ZNF25: variants seen among roughly 807,000 people sequenced by gnomAD.
The protein encoded by ZNF25 is zinc finger protein 25, also known as zinc finger protein 25 (KOX 19).
Under a neutral mutation model 30.9 loss-of-function variants are expected in ZNF25, and 21 were observed. That is an observed-to-expected ratio of 0.68 (90% CI 0.48 to 0.98). ZNF25 has a LOEUF of 0.98. ZNF25 is among the 50% of genes least tolerant of loss of function. The pLI, the probability that ZNF25 is intolerant of heterozygous loss-of-function variation, is 0.00. For missense variants in ZNF25, 501 were observed against 529.9 expected, an observed-to-expected ratio of 0.95 and a Z score of 0.54; for synonymous variants, 169 against 181.3, an observed-to-expected ratio of 0.93 and a Z score of 0.55.
chr10:37,952,014 G>T lies in ZNF25; in HGVS notation c.*113C>A. The T allele has an allele frequency of 2.1e-6, 2 of 947,576 alleles. No individual in the cohort carries two copies. Among genetic ancestry groups the T allele is most frequent in the Non-Finnish European group, 3.1e-6 (2 of 645,860 alleles). 58.7% of individuals were successfully genotyped at this position (947,576 alleles called of 1,614,324 possible). A position where few individuals can be genotyped will look rare whatever the true frequency, so the allele number is the denominator to read the frequency against. ...TTTGCTGATACACAGAGAGAGCAAAGATTGTAGCTGAAAATTTCCCTCTAT... is the reference window on the plus strand; with the variant it reads ...TTTGCTGATACACAGAGAGAGCAAATATTGTAGCTGAAAATTTCCCTCTAT... On this transcript the variant is annotated 3_prime_UTR_variant, in exon 6 of 6. Coordinates refer to ENST00000302609, the MANE Select transcript of ZNF25 (RefSeq NM_145011.4).
chr10:37,958,105 T>C (rs2062641738), intron 2 of ZNF25, among the ~76,000 whole-genome samples: 1 of 152,192 alleles, frequency 6.6e-6, no homozygotes, highest in Non-Finnish European at 1.5e-5. Flanking sequence ...TGTCACTAAG[T>C]GACACATGAC....
chr10:37,961,258 T>C (rs1055176163), intron 2 of ZNF25, among the ~76,000 whole-genome samples: 9 of 152,194 alleles, frequency 5.9e-5, no homozygotes, highest in African/African-American at 2.2e-4. Context: ...TTCGTTGAAA[T>C]ACATCTGTAT....
At position 37,949,931 on chromosome 10, in the gene ZNF25, T is replaced by G. The variant is rs1272201504; in HGVS notation, c.*2196A>C. ...TCCATCAAGAAATTTCTTGTTTTGA[T>G]GTTATGACAATTTAGCAAGTAAAAA... On this transcript the variant is annotated 3_prime_UTR_variant, in exon 6 of 6. Transcript: ENST00000302609. 1 of 152,632 alleles carries G rather than the reference T, an allele frequency of 6.6e-6. No homozygotes were observed. The highest frequency in any genetic ancestry group is 1.5e-5 in the Non-Finnish European group (1 of 68,044). 9.5% of individuals were successfully genotyped at this position (152,632 alleles called of 1,614,324 possible). A position where few individuals can be genotyped will look rare whatever the true frequency, so the allele number is the denominator to read the frequency against.
At chr10:37,964,341 G>A (rs2063062955) in intron 2 of ZNF25, among the ~76,000 whole-genome samples, 1 of 152,294 alleles carries the variant, frequency 6.6e-6, no homozygotes, top group East Asian at 1.9e-4. Context: ...AGAATTTGGA[G>A]GGCTCAGAAG....
chr10:37,976,149 G>A (rs928019465), intron 1 of ZNF25, among the ~76,000 whole-genome samples: 8 of 152,154 alleles, frequency 5.3e-5, no homozygotes, highest in Admixed American at 3.3e-4. Context: ...TGCCAGATGC[G>A]CGTCGAGCCG....
intron 2 of ZNF25, among the ~76,000 whole-genome samples, chr10:37,966,292 T>G (rs1440862090): frequency 6.6e-6 from 1 of 151,910 alleles, no homozygotes; most frequent in East Asian, 1.9e-4. Flanking sequence ...CATGCACCTA[T>G]AATCCCAGCT....
chr10:37,953,613 C>T, intron 5 of ZNF25, 82 bp downstream of exon 5: 3 of 1,298,432 alleles, frequency 2.3e-6, no homozygotes, highest in Admixed American at 1.7e-5. Context: ...TTAGTATTAA[C>T]TAGTGCCCTC....
chr10:37,973,894 T>C (rs936987296), intron 1 of ZNF25, among the ~76,000 whole-genome samples: 1 of 152,090 alleles, frequency 6.6e-6, no homozygotes, highest in Non-Finnish European at 1.5e-5. Flanking sequence ...TATAAAGCTA[T>C]AGTAAACAAA....
Position 37,953,619 on chromosome 10 carries a change from C to T in ZNF25, c.302+76G>A, listed in dbSNP as rs543232200. ...TTCTCACGTTTAGTATTAACTAGTG[C>T]CCTCCCATTTCTAGTAACTCCTTTA... is the stretch of plus-strand genomic sequence containing the variant. On this transcript the variant is annotated intron_variant, in intron 5 of 5. Coordinates refer to ENST00000302609, the MANE Select transcript of ZNF25 (RefSeq NM_145011.4). 2.4e-3 allele frequency: 3,166 copies of T among 1,336,360 alleles called. 9 individuals are homozygous for T. Among genetic ancestry groups the T allele is most frequent in the Non-Finnish European group, 3.1e-3 (2,853 of 931,974 alleles). The allele number at this position is 1,336,360 out of a possible 1,614,324, so 82.8% of individuals were successfully genotyped here.
chr10:37,964,329 G>A (rs2063062207), intron 2 of ZNF25, among the ~76,000 whole-genome samples: 2 of 152,168 alleles, frequency 1.3e-5, no homozygotes, highest in South Asian at 4.1e-4. Flanking sequence ...GCAGAGGTTG[G>A]AAGAATTTGG....
In ZNF25 at chr10:37,957,355, T is replaced by C. The variant is rs72639536; in HGVS notation, c.142+65A>G. The C allele has an allele frequency of 2.0e-3, 3,151 of 1,555,112 alleles. 61 individuals carry two copies. In the East Asian group the frequency reaches 0.033, roughly 16 times the overall value. ...CATTCAACCCTATAGGGACATTTTATACTCCAGTAACTGAGAAGATAGATG... is the reference window on the plus strand; with the variant it reads ...CATTCAACCCTATAGGGACATTTTACACTCCAGTAACTGAGAAGATAGATG... On this transcript the variant is annotated intron_variant, in intron 3 of 5. Transcript: ENST00000302609.
Position 37,953,127 on chromosome 10 carries a change from C to T in ZNF25, c.371G>A (p.Gly124Glu). The part of the protein sequence containing the change: ...TEKACECKEC[G>E]KFFCQKSALI... ...GGCAGACTTCTGGCAGAAGAACTTC[C>T]CACATTCCTTACATTCACAGGCTTT... The change falls in exon 6 of 6, where the codon GGG becomes GAG. Residue 124 changes from glycine (G) to glutamate (E), a missense_variant. By Grantham distance (98) the Gly-to-Glu change is moderately conservative. Transcript: ENST00000302609. 1 of 1,611,974 alleles carries T rather than the reference C, an allele frequency of 6.2e-7. No individual in the cohort carries two copies. Among genetic ancestry groups the T allele is most frequent in the Non-Finnish European group, 8.5e-7 (1 of 1,179,510 alleles).
Position 37,950,786 on chromosome 10 carries a change from GC to G in ZNF25, c.*1340del, listed in dbSNP as rs1443695687. ...TAGCATGCCCCATGCTGGAATCGGGGCCCAGGCAGCAGGAGCCCAGAGTCCA... is the reference window on the plus strand; with the variant it reads ...TAGCATGCCCCATGCTGGAATCGGGGCCAGGCAGCAGGAGCCCAGAGTCCA... On this transcript the variant is annotated 3_prime_UTR_variant, in exon 6 of 6. Transcript: ENST00000302609. 6.6e-6 allele frequency: 1 copy of G among 152,094 alleles called. No individual in the cohort carries two copies. Among genetic ancestry groups the G allele is most frequent in the Non-Finnish European group, 1.5e-5 (1 of 68,042 alleles). 9.4% of individuals were successfully genotyped at this position (152,094 alleles called of 1,614,324 possible).
At chr10:37,962,157 C>T (rs2504130) in intron 2 of ZNF25, among the ~76,000 whole-genome samples, 79,459 of 150,854 alleles carry the variant, frequency 0.53, 21,217 homozygotes, top group South Asian at 0.71. Context: ...CAGAGAATTG[C>T]TTGAATCCAG....
intron 3 of ZNF25, 112 bp from the exon 4 acceptor site, chr10:37,957,227 C>G: frequency 7.6e-7 from 1 of 1,316,624 alleles, no homozygotes; most frequent in African/African-American, 1.5e-5. Context: ...TTAGGCTTGG[C>G]AAATTTAGAT....
intron 2 of ZNF25, among the ~76,000 whole-genome samples, chr10:37,971,315 CAAA>C (rs35376573): frequency 5.2e-5 from 7 of 133,428 alleles, no homozygotes; most frequent in Non-Finnish European, 4.7e-5. Context: ...GACTCCATCT[CAAA>C]AAAAAAAAAA....
chr10:37,975,042 C>T (rs1339322798), intron 1 of ZNF25, among the ~76,000 whole-genome samples: 1 of 152,058 alleles, frequency 6.6e-6, no homozygotes, highest in African/African-American at 2.4e-5. Flanking sequence ...CTCACTCATA[C>T]GCAGGAGCTA....
chr10:37,952,979 G>A lies in ZNF25; in HGVS notation c.519C>T (p.Thr173=). Residue 173 remains threonine (T), a synonymous_variant, in exon 6 of 6, where the codon ACC becomes ACT. Coordinates refer to ENST00000302609, the MANE Select transcript of ZNF25 (RefSeq NM_145011.4). The stretch of plus-strand genomic sequence containing the variant: ...TTTTCTTACATTCTTTACACTCATA[G>A]GTTTTATCTCTCGTGTGAATTTTCT... ...RHQKIHTRDK[T]YECKECKKIF... The A allele has an allele frequency of 1.9e-6, 3 of 1,614,088 alleles. No homozygotes were observed. The highest frequency in any genetic ancestry group is 2.5e-6 in the Non-Finnish European group (3 of 1,180,010).
chr10:37,952,341 C>T lies in ZNF25; in HGVS notation c.1157G>A (p.Arg386Lys). The T allele has an allele frequency of 6.2e-7, 1 of 1,612,684 alleles. No individual in the cohort carries two copies. The highest frequency in any genetic ancestry group is 1.1e-5 in the South Asian group (1 of 90,976). The change falls in exon 6 of 6, where the codon AGA becomes AAA. Residue 386 changes from arginine (R) to lysine (K), a missense_variant. Arg to Lys is a conservative substitution (Grantham distance 26). Transcript: ENST00000302609. ...TCCTGTGTGAGTCCTTTGATGTAAT[C>T]TGAGGACTGAATTCACAGCAAAAGA... ...GKSFAVNSVL[R>K]LHQRTHTGEK...
Sources: gnomAD v4.1 joint callset for allele counts (sites outside exome capture counted in the v4.1 genomes callset) on GRCh38, gnomAD v4.1.1 for gene constraint, MANE v1.5 for transcripts, NCBI Gene and HGNC (gene_info 2026-07-23, HGNC 2026-07-21) for gene names.